DAPK1: variants seen among roughly 807,000 people sequenced by gnomAD.
The protein encoded by DAPK1 is death-associated protein kinase 1.
In DAPK1, 56 loss-of-function variants were observed where a neutral mutation model predicts 144.9. The observed-to-expected ratio is 0.39, with a 90% CI of 0.31 to 0.48. The LOEUF (loss-of-function observed/expected upper bound fraction) is 0.48. Among genes scored for constraint, DAPK1 ranks in the 20% least tolerant of loss-of-function variants. The pLI is 0.95. For missense variants in DAPK1, 1,454 were observed against 1,875.4 expected, an observed-to-expected ratio of 0.78 and a Z score of 4.15; for synonymous variants, 690 against 749.0, an observed-to-expected ratio of 0.92 and a Z score of 1.29.
intron 2 of DAPK1, among the ~76,000 whole-genome samples, chr9:87,577,112 G>A (rs1175568064): frequency 1.3e-5 from 2 of 152,176 alleles, no homozygotes; most frequent in African/African-American, 4.8e-5. Flanking sequence ...AATATATACG[G>A]GAATCTGGTA....
At chr9:87,661,688 T>C (rs1319936021) in intron 18 of DAPK1, among the ~76,000 whole-genome samples, 3 of 152,214 alleles carry the variant, frequency 2.0e-5, no homozygotes, top group African/African-American at 4.8e-5. Flanking sequence ...TTTGTTGTTC[T>C]TGTTGAGTTG....
intron 3 of DAPK1, among the ~76,000 whole-genome samples, chr9:87,606,872 G>A (rs1220399982): frequency 6.9e-6 from 1 of 144,890 alleles, no homozygotes; most frequent in Non-Finnish European, 1.5e-5. Context: ...TGGCACAAGT[G>A]ACATTTTGGG....
chr9:87,590,564 T>C lies in DAPK1; in HGVS notation c.63-14390T>C, dbSNP rs143014748. ...CAATTCTCAGTTCTTTGAGGCTTCCTGAATAATTTGTGCTACTTAAAAAAT... is the reference window on the plus strand; with the variant it reads ...CAATTCTCAGTTCTTTGAGGCTTCCCGAATAATTTGTGCTACTTAAAAAAT... On this transcript the variant is annotated intron_variant, in intron 2 of 25. Transcript: ENST00000408954. 1.0e-3 allele frequency among the ~76,000 whole-genome samples: 154 copies of C among 152,180 alleles called. 1 individual carries two copies. The highest frequency in any genetic ancestry group is 9.7e-3 in the Admixed American group (149 of 15,284).
chr9:87,604,255 T>C (rs977096740), intron 2 of DAPK1, among the ~76,000 whole-genome samples: 1 of 152,084 alleles, frequency 6.6e-6, no homozygotes, highest in African/African-American at 2.4e-5. Context: ...TTACTTGGCA[T>C]TGTGGTCAGG....
chr9:87,639,580 GT>G (rs946343283), intron 5 of DAPK1, 69 bp from the exon 6 acceptor site: 49 of 1,610,202 alleles, frequency 3.0e-5, no homozygotes, highest in Non-Finnish European at 3.8e-5. Context: ...CATGTTCCTG[GT>G]TGTTGCATGA....
Position 87,651,696 on chromosome 9 carries a change from C to T in DAPK1, c.1796C>T (p.Ala599Val), listed in dbSNP as rs757037199. The change falls in exon 17 of 26, where the codon GCA (alanine) becomes GTA (valine). Residue 599 changes from alanine (A) to valine (V), a missense_variant. Physicochemically the swap from Ala to Val is moderately conservative, Grantham distance 64. Transcript: ENST00000408954. ...CCTATCGTGGTGGCCCTCTGTGAAG[C>T]AAACTGCAATTTGGACATCTCCAAC... Reference protein sequence around the residue: ...NMPIVVALCEANCNLDISNKY... With the variant: ...NMPIVVALCEVNCNLDISNKY... The T allele has an allele frequency of 3.1e-6, 5 of 1,614,192 alleles. No individual in the cohort carries two copies. In the South Asian group the frequency reaches 5.5e-5, roughly 18 times the overall value.
intron 17 of DAPK1, among the ~76,000 whole-genome samples, chr9:87,652,231 C>T (rs1830469863): frequency 7.8e-6 from 1 of 127,430 alleles, no homozygotes; most frequent in Admixed American, 7.6e-5. Context: ...TCTGTGTCCT[C>T]CCACCTGATC....
intron 2 of DAPK1, among the ~76,000 whole-genome samples, chr9:87,507,830 C>T (rs1824667122): frequency 6.6e-6 from 1 of 152,054 alleles, no homozygotes; most frequent in East Asian, 1.9e-4. Flanking sequence ...TTTTGGGACA[C>T]ATTTTATTTT....
intron 2 of DAPK1, among the ~76,000 whole-genome samples, chr9:87,550,307 T>A (rs1010848859): frequency 2.0e-5 from 3 of 152,268 alleles, no homozygotes; most frequent in African/African-American, 4.8e-5. Context: ...GTGCAAGACT[T>A]CTGTTGCCAG....
chr9:87,595,074 G>C (rs1286961000), intron 2 of DAPK1, among the ~76,000 whole-genome samples: 1 of 152,214 alleles, frequency 6.6e-6, no homozygotes, highest in Non-Finnish European at 1.5e-5. Context: ...AGTGAATATA[G>C]AGTCCACTTC....
intron 3 of DAPK1, among the ~76,000 whole-genome samples, chr9:87,618,768 G>A (rs1214729105): frequency 2.6e-5 from 4 of 152,192 alleles, no homozygotes; most frequent in Non-Finnish European, 4.4e-5. Flanking sequence ...TGGTGGGAAA[G>A]TAGGGTGGCT....
At chr9:87,653,133 C>A (rs911985132) in intron 17 of DAPK1, among the ~76,000 whole-genome samples, 1 of 148,306 alleles carries the variant, frequency 6.7e-6, no homozygotes, top group Admixed American at 6.7e-5. Context: ...TCACCTGATC[C>A]CAGGTCCTGA....
chr9:87,643,515 C>T (rs1352762846), intron 11 of DAPK1, 47 bp downstream of exon 11: 7 of 1,170,482 alleles, frequency 6.0e-6, no homozygotes, highest in Non-Finnish European at 3.8e-6. Context: ...GCACTGGGTA[C>T]TCAGAATGAC....
rs765976545 is a variant in DAPK1, at chr9:87,661,752, C to T, written c.1923+3625C>T. ...AGTTCCCTGTCGAATGTAGAGTTTG[C>T]GAATATTTTCTCTCATTCTGCAAGT... On this transcript the variant is annotated intron_variant, in intron 18 of 25. Coordinates refer to ENST00000408954, the MANE Select transcript of DAPK1 (RefSeq NM_004938.4). Among the ~76,000 whole-genome samples, 294 of 152,072 alleles carry T rather than the reference C, an allele frequency of 1.9e-3. 1 individual carries two copies. Among genetic ancestry groups the T allele is most frequent in the Non-Finnish European group, 3.4e-3 (231 of 68,022 alleles).
At chr9:87,498,573 A>G (rs539127694) in intron 1 of DAPK1, 5 of 258,398 alleles carry the variant, frequency 1.9e-5, no homozygotes, top group Middle Eastern at 1.1e-3. Flanking sequence ...CTGGAGAGAG[A>G]TTGCTCCCAG....
At chr9:87,628,772 C>G (rs1281024616) in intron 3 of DAPK1, among the ~76,000 whole-genome samples, 1 of 152,086 alleles carries the variant, frequency 6.6e-6, no homozygotes, top group African/African-American at 2.4e-5. Context: ...TTACTTAAAC[C>G]CCAAGGAGAG....
intron 2 of DAPK1, among the ~76,000 whole-genome samples, chr9:87,581,636 CT>C (rs1827757052): frequency 6.6e-6 from 1 of 152,202 alleles, no homozygotes; most frequent in Non-Finnish European, 1.5e-5. Flanking sequence ...CCTAACTACC[CT>C]AGTTCCCTTC....
chr9:87,622,594 TCCA>T (rs1829338701), intron 3 of DAPK1, among the ~76,000 whole-genome samples: 1 of 152,144 alleles, frequency 6.6e-6, no homozygotes, highest in Non-Finnish European at 1.5e-5. Flanking sequence ...CTCCTTATAT[TCCA>T]CATAATGCTT....
chr9:87,686,748 T>C lies in DAPK1; in HGVS notation c.2413+9T>C. ...GAACGCTTATTTGAATGGTATGCCC[T>C]GCCTGCCCCAAGGGAAGGACCTCAG... On this transcript the variant is annotated intron_variant, in intron 21 of 25. Coordinates refer to ENST00000408954, the MANE Select transcript of DAPK1 (RefSeq NM_004938.4). This position sits in a 1 kb window ranked among gnomAD's most constrained non-coding sequence, Gnocchi z 4.2. 1 of 1,596,770 alleles carries C rather than the reference T, an allele frequency of 6.3e-7. No homozygotes were observed. The highest frequency in any genetic ancestry group is 1.3e-5 in the African/African-American group (1 of 74,722).
Sources: allele counts gnomAD v4.1 joint callset (sites outside exome capture counted in the v4.1 genomes callset), GRCh38; gene constraint gnomAD v4.1.1; non-coding constraint Gnocchi (gnomAD v3.1); transcripts MANE v1.5; gene names NCBI Gene and HGNC (gene_info 2026-07-23, HGNC 2026-07-21).